The following TRIM2 variants were observed in gnomAD, a reference collection of about 807,000 sequenced individuals.
TRIM2 encodes the protein tripartite motif containing 2, also known as tripartite motif-containing protein 2.
Under a neutral mutation model 75.2 loss-of-function variants are expected in TRIM2, and 20 were observed. The ratio of observed to expected loss-of-function variants is 0.27; its 90% CI spans 0.19 to 0.39. TRIM2 has a LOEUF of 0.39. Ranked by LOEUF, TRIM2 falls within the 10% of genes least tolerant of loss-of-function variation. TRIM2 has a pLI of 1.00. For synonymous variants in TRIM2, 373 were observed against 388.3 expected (o/e 0.96, Z 0.46); for missense variants, 660 against 990.8 (o/e 0.67, Z 4.48).
intron 11 of TRIM2, 76 bp downstream of exon 11, chr4:153,328,746 C>T: frequency 6.9e-7 from 1 of 1,453,660 alleles, no homozygotes; most frequent in Non-Finnish European, 9.1e-7. Context: ...GTCCCCCAAA[C>T]TGGAATGTTT....
At chr4:153,250,044 G>A (rs931337393) in intron 1 of TRIM2, among the ~76,000 whole-genome samples, 4 of 151,836 alleles carry the variant, frequency 2.6e-5, no homozygotes, top group African/African-American at 9.7e-5. Context: ...TAATGAAGGA[G>A]TAGACATGTT....
At chr4:153,240,835 T>G (rs910691333) in intron 1 of TRIM2, among the ~76,000 whole-genome samples, 27 of 152,286 alleles carry the variant, frequency 1.8e-4, no homozygotes, top group African/African-American at 6.3e-4. Flanking sequence ...TCCCAGCACT[T>G]TGGGAGGCCG....
At position 153,228,637 on chromosome 4, in the gene TRIM2, C is replaced by A. The variant is rs569706657; in HGVS notation, c.30+24077C>A. 3.3e-5 allele frequency among the ~76,000 whole-genome samples: 5 copies of A among 152,342 alleles called. No homozygotes were observed. In the South Asian group the frequency reaches 1.0e-3, roughly 32 times the overall value. On this transcript the variant is annotated intron_variant, in intron 1 of 11. Transcript: ENST00000338700. ...TTAAACAGAATTCTTTCTTACAATG[C>A]TGCTTTCCATCTTATAAAAACAATG...
intron 3 of TRIM2, among the ~76,000 whole-genome samples, chr4:153,289,576 G>A (rs934338920): frequency 6.6e-6 from 1 of 152,020 alleles, no homozygotes; most frequent in African/African-American, 2.4e-5. Flanking sequence ...ATATTATTTT[G>A]CATCCTTTTC....
At chr4:153,166,395 C>T (rs755001939) in intron 1 of TRIM2, among the ~76,000 whole-genome samples, 58 of 152,260 alleles carry the variant, frequency 3.8e-4, no homozygotes, top group Admixed American at 8.5e-4. Flanking sequence ...GTAATTGGGA[C>T]AAGACCTTTG....
intron 8 of TRIM2, among the ~76,000 whole-genome samples, chr4:153,316,873 C>T (rs1362792263): frequency 9.7e-5 from 6 of 61,584 alleles, no homozygotes; most frequent in Admixed American, 9.0e-4. Context: ...TGCATTATGC[C>T]TTTTTTTTTT....
At chr4:153,329,720 C>G (rs1205276019) in intron 11 of TRIM2, among the ~76,000 whole-genome samples, 1 of 151,728 alleles carries the variant, frequency 6.6e-6, no homozygotes, top group African/African-American at 2.4e-5. Flanking sequence ...GCCTGCAAGC[C>G]CAGCTACTCA....
intron 11 of TRIM2, 60 bp from the exon 12 acceptor site, chr4:153,334,754 C>A: frequency 1.4e-6 from 2 of 1,427,930 alleles, no homozygotes; most frequent in East Asian, 2.4e-5. Context: ...TTTTCTAACC[C>A]ATGTTCAGCA....
intron 9 of TRIM2, among the ~76,000 whole-genome samples, chr4:153,323,499 TGA>T (rs1431246968): frequency 6.6e-6 from 1 of 151,148 alleles, no homozygotes; most frequent in Non-Finnish European, 1.5e-5. Flanking sequence ...GTTTTGTTTT[TGA>T]GACAGGGTCT....
Position 153,317,780 on chromosome 4 carries a change from T to C in TRIM2, c.1782+1781T>C, listed in dbSNP as rs534166485. Among the ~76,000 whole-genome samples, 5 of 151,828 alleles carry C rather than the reference T, an allele frequency of 3.3e-5. No homozygotes were observed. In the South Asian group the frequency reaches 8.3e-4, roughly 25 times the overall value. ...GAGTTCAAGACCAGCCTGGGAAACA[T>C]GGCAAGACCCTGCCTCTACAAAAAA... is the stretch of plus-strand genomic sequence containing the variant. On this transcript the variant is annotated intron_variant, in intron 8 of 11. Transcript: ENST00000338700.
chr4:153,221,921 GA>G (rs1740374257), intron 1 of TRIM2, among the ~76,000 whole-genome samples: 7 of 119,688 alleles, frequency 5.8e-5, no homozygotes, highest in Middle Eastern at 5.4e-3. Context: ...GAGGGAGGGA[GA>G]GGGAGAAAAG....
chr4:153,308,835 A>T, intron 6 of TRIM2: 1 of 394,562 alleles, frequency 2.5e-6, no homozygotes, highest in South Asian at 2.0e-5. Context: ...ATATTATTTT[A>T]TGCCCCTCTC....
chr4:153,300,587 G>A (rs900451500), intron 6 of TRIM2, among the ~76,000 whole-genome samples: 1 of 152,070 alleles, frequency 6.6e-6, no homozygotes, highest in Non-Finnish European at 1.5e-5. Context: ...CTGTCGCCAG[G>A]CTGGTGTGCA....
intron 6 of TRIM2, among the ~76,000 whole-genome samples, chr4:153,302,160 A>G (rs1485515009): frequency 6.6e-6 from 1 of 151,936 alleles, no homozygotes; most frequent in Non-Finnish European, 1.5e-5. Flanking sequence ...AATGTCTTAT[A>G]GTTTTCTGTG....
At chr4:153,309,419 C>T (rs534585055) in intron 6 of TRIM2, among the ~76,000 whole-genome samples, 1 of 152,182 alleles carries the variant, frequency 6.6e-6, no homozygotes, top group South Asian at 2.1e-4. Context: ...CATGAAAGTG[C>T]TATAAATATA....
chr4:153,242,232 T>G (rs1170054966), intron 1 of TRIM2, among the ~76,000 whole-genome samples: 1 of 152,200 alleles, frequency 6.6e-6, no homozygotes, highest in African/African-American at 2.4e-5. Context: ...TAGTGTTGGA[T>G]TTTTATTGTT....
intron 1 of TRIM2, among the ~76,000 whole-genome samples, chr4:153,260,436 A>T (rs1033657206): frequency 1.3e-5 from 2 of 152,116 alleles, no homozygotes; most frequent in African/African-American, 4.8e-5. Context: ...GGCCTTCTTT[A>T]TATACTAAAG....
At chr4:153,316,529 C>T (rs184124213) in intron 8 of TRIM2, among the ~76,000 whole-genome samples, 111 of 151,946 alleles carry the variant, frequency 7.3e-4, no homozygotes, top group Non-Finnish European at 1.3e-3. Context: ...TCTAATGAGT[C>T]GTACATTGAT....
At chr4:153,296,432 TC>T (rs914422465) in intron 6 of TRIM2, among the ~76,000 whole-genome samples, 2 of 152,208 alleles carry the variant, frequency 1.3e-5, no homozygotes, top group African/African-American at 4.8e-5. Flanking sequence ...ACGCCCCTCT[TC>T]CCTGGGAGGG....
Sources: allele counts gnomAD v4.1 joint callset (sites outside exome capture counted in the v4.1 genomes callset), GRCh38; gene constraint gnomAD v4.1.1; transcripts MANE v1.5; gene names NCBI Gene and HGNC (gene_info 2026-07-23, HGNC 2026-07-21).